Variants in LRMDA observed in about 807,000 individuals in gnomAD.
LRMDA encodes the protein leucine-rich melanocyte differentiation-associated protein.
Under a neutral mutation model 29.8 loss-of-function variants are expected in LRMDA, and 18 were observed. The ratio of observed to expected loss-of-function variants is 0.60; its 90% CI spans 0.42 to 0.90. The LOEUF (loss-of-function observed/expected upper bound fraction) is 0.90. Among genes scored for constraint, LRMDA ranks in the 40% least tolerant of loss-of-function variants. The pLI is 0.00. For missense variants in LRMDA, 273 were observed against 273.9 expected (o/e 1.00, Z 0.02); for synonymous variants, 125 against 109.4 (o/e 1.14, Z -0.89).
chr10:75,663,535 C>T (rs1841782146), intron 2 of LRMDA, among the ~76,000 whole-genome samples: 2 of 152,134 alleles, frequency 1.3e-5, no homozygotes, highest in Admixed American at 1.3e-4. Flanking sequence ...CTGCAGATCT[C>T]CAGAACTCTC....
chr10:76,183,511 T>C (rs1403383777), intron 5 of LRMDA, among the ~76,000 whole-genome samples: 1 of 152,186 alleles, frequency 6.6e-6, no homozygotes, highest in Non-Finnish European at 1.5e-5. Flanking sequence ...GAATGGTACA[T>C]TTCTGTTCAG....
chr10:75,680,397 C>A lies in LRMDA; in HGVS notation c.131+241903C>A, dbSNP rs576910652. ...GGATGGATAAAAGGGAGGTGGCCAACAATTGTCTGGTAAATATGATTTGTT... is the reference window on the plus strand; with the variant it reads ...GGATGGATAAAAGGGAGGTGGCCAAAAATTGTCTGGTAAATATGATTTGTT... On this transcript the variant is annotated intron_variant, in intron 2 of 6. Transcript: ENST00000611255. 5.9e-5 allele frequency among the ~76,000 whole-genome samples: 9 copies of A among 152,202 alleles called. No individual in the cohort carries two copies. In the South Asian group the frequency reaches 1.7e-3, roughly 28 times the overall value.
At chr10:75,764,746 G>C (rs1488789218) in intron 2 of LRMDA, among the ~76,000 whole-genome samples, 1 of 152,172 alleles carries the variant, frequency 6.6e-6, no homozygotes, top group African/African-American at 2.4e-5. Context: ...GATAAAGGAA[G>C]ATTTATGAGT....
chr10:75,943,163 GCA>G (rs1846422905), intron 2 of LRMDA, among the ~76,000 whole-genome samples: 1 of 132,618 alleles, frequency 7.5e-6, no homozygotes, highest in South Asian at 2.4e-4. Context: ...GATGTTTTCA[GCA>G]AAAAAAAAAA....
intron 2 of LRMDA, among the ~76,000 whole-genome samples, chr10:76,004,841 C>T (rs1374643054): frequency 6.6e-6 from 1 of 151,480 alleles, no homozygotes; most frequent in East Asian, 1.9e-4. Flanking sequence ...CATTCTCCTG[C>T]TTCAGCCTCC....
At chr10:76,180,671 C>A (rs1851031865) in intron 5 of LRMDA, among the ~76,000 whole-genome samples, 1 of 152,136 alleles carries the variant, frequency 6.6e-6, no homozygotes, top group South Asian at 2.1e-4. Context: ...GCCTGAACCC[C>A]AGAATGGGCT....
chr10:76,025,966 C>G (rs1389448168), intron 2 of LRMDA, among the ~76,000 whole-genome samples: 1 of 152,112 alleles, frequency 6.6e-6, no homozygotes, highest in East Asian at 1.9e-4. Flanking sequence ...GCACTCAATA[C>G]ATTTTTATAA....
chr10:75,970,588 G>A (rs1228255095), intron 2 of LRMDA, among the ~76,000 whole-genome samples: 2 of 152,184 alleles, frequency 1.3e-5, no homozygotes, highest in Non-Finnish European at 2.9e-5. Flanking sequence ...TATGAGGCCA[G>A]CTTATGGGAT....
intron 5 of LRMDA, among the ~76,000 whole-genome samples, chr10:76,264,171 G>T (rs545480275): frequency 6.6e-6 from 1 of 152,082 alleles, no homozygotes; most frequent in African/African-American, 2.4e-5. Flanking sequence ...GGCCGAGACC[G>T]GCAGATCACT....
chr10:75,917,581 A>G (rs933638946), intron 2 of LRMDA, among the ~76,000 whole-genome samples: 2 of 152,180 alleles, frequency 1.3e-5, no homozygotes, highest in African/African-American at 4.8e-5. Context: ...AGTGTGACAA[A>G]TATCAACGAA....
chr10:75,492,525 T>A (rs1845000538), intron 2 of LRMDA, among the ~76,000 whole-genome samples: 1 of 152,208 alleles, frequency 6.6e-6, no homozygotes, highest in African/African-American at 2.4e-5. Flanking sequence ...ATATTTTTGC[T>A]TATGAGAAGA....
chr10:75,698,347 G>C (rs1005883091), intron 2 of LRMDA, among the ~76,000 whole-genome samples: 1 of 152,192 alleles, frequency 6.6e-6, no homozygotes, highest in Non-Finnish European at 1.5e-5. Context: ...AAGAACACTG[G>C]CCCTTACCTC....
At chr10:75,991,628 C>T (rs79056240) in intron 2 of LRMDA, among the ~76,000 whole-genome samples, 5 of 152,302 alleles carry the variant, frequency 3.3e-5, no homozygotes, top group Admixed American at 6.5e-5. Context: ...GACCCATAGC[C>T]GTGTTTAGCA....
chr10:76,257,627 C>T (rs1182729242), intron 5 of LRMDA, among the ~76,000 whole-genome samples: 1 of 152,066 alleles, frequency 6.6e-6, no homozygotes, highest in Non-Finnish European at 1.5e-5. Flanking sequence ...AGCCACGGCA[C>T]CTGGCCAGCA....
intron 2 of LRMDA, among the ~76,000 whole-genome samples, chr10:75,510,899 T>C (rs1845217622): frequency 6.6e-6 from 1 of 152,328 alleles, no homozygotes; most frequent in African/African-American, 2.4e-5. Flanking sequence ...GCCACTGATC[T>C]GAGTTTGTAC....
chr10:75,617,367 A>G (rs1165722000), intron 2 of LRMDA, among the ~76,000 whole-genome samples: 3 of 152,162 alleles, frequency 2.0e-5, no homozygotes, highest in Non-Finnish European at 4.4e-5. Flanking sequence ...TTGGGAGTAC[A>G]TGGTGGCAGC....
chr10:75,628,975 T>C (rs1342123446), intron 2 of LRMDA, among the ~76,000 whole-genome samples: 1 of 152,234 alleles, frequency 6.6e-6, no homozygotes, highest in Non-Finnish European at 1.5e-5. Flanking sequence ...TAAATCCCTC[T>C]AGTAGCATTT....
intron 6 of LRMDA, among the ~76,000 whole-genome samples, chr10:76,476,443 G>A (rs1045349644): frequency 1.3e-5 from 2 of 152,128 alleles, no homozygotes; most frequent in South Asian, 2.1e-4. Flanking sequence ...AGAACCAGAC[G>A]GATTCACAGC....
intron 5 of LRMDA, among the ~76,000 whole-genome samples, chr10:76,130,327 C>G (rs73285231): frequency 0.017 from 2,663 of 152,308 alleles, 85 homozygotes; most frequent in African/African-American, 0.06. Flanking sequence ...GGGTAGGCTA[C>G]TAGTGTGGAA....
Sources: allele counts gnomAD v4.1 joint callset (sites outside exome capture counted in the v4.1 genomes callset), GRCh38; gene constraint gnomAD v4.1.1; transcripts MANE v1.5; gene names NCBI Gene and HGNC (gene_info 2026-07-23, HGNC 2026-07-21).